The following HIBCH variants were observed in gnomAD, a reference collection of about 807,000 sequenced individuals.
HIBCH encodes 3-hydroxyisobutyryl-CoA hydrolase.
A neutral mutation model predicts 58.2 loss-of-function variants in HIBCH; 50 were observed. The ratio of observed to expected loss-of-function variants is 0.86; its 90% CI spans 0.68 to 1.09. HIBCH has a LOEUF of 1.09. HIBCH is among the 50% of genes least tolerant of loss of function. The probability of loss-of-function intolerance (pLI) is 0.00; values close to 1 mark genes in which losing one functional copy is unlikely to be tolerated. For missense variants in HIBCH, 450 were observed against 449.7 expected (o/e 1.00, Z -0.01); for synonymous variants, 151 against 146.9 (o/e 1.03, Z -0.20).
chr2:190,196,847 T>G (rs534522759), intron 1 of HIBCH, among the ~76,000 whole-genome samples: 1 of 152,336 alleles, frequency 6.6e-6, no homozygotes, highest in East Asian at 1.9e-4. Context: ...ATAGACCCTA[T>G]GTGTCTTAGT....
intron 1 of HIBCH, among the ~76,000 whole-genome samples, chr2:190,198,652 A>C (rs1690092626): frequency 6.6e-6 from 1 of 150,902 alleles, no homozygotes; most frequent in South Asian, 2.1e-4. Flanking sequence ...AAAAAAAAAA[A>C]AAAGGTGTTT....
At chr2:190,296,136 T>A (rs1396488393) in intron 3 of HIBCH, among the ~76,000 whole-genome samples, 1 of 152,146 alleles carries the variant, frequency 6.6e-6, no homozygotes. Context: ...AAAGCAGCTG[T>A]CTGGCCGGGT....
At chr2:190,248,866 A>T (rs76820611) in intron 9 of HIBCH, among the ~76,000 whole-genome samples, 1 of 71,910 alleles carries the variant, frequency 1.4e-5, no homozygotes, top group Non-Finnish European at 2.7e-5. Flanking sequence ...GCTTCAAAAC[A>T]AAAAAAAAAA....
At position 190,314,377 on chromosome 2, in the gene HIBCH, A is replaced by G. The variant is rs200473458; in HGVS notation, c.36-3581T>C. On this transcript the variant is annotated intron_variant, in intron 1 of 13. Transcript: ENST00000359678. ...TATATACGTATATATATACGTATAT[A>G]TGTGTATATATATGTATATATATAC... Among the ~76,000 whole-genome samples, 4 of 87,204 alleles carry G rather than the reference A, an allele frequency of 4.6e-5. No homozygotes were observed. In the East Asian group the frequency reaches 8.7e-4, roughly 19 times the overall value. The allele number at this position is 87,204 out of a possible 152,430, so 57.2% of individuals were successfully genotyped here.
downstream of HIBCH, among the ~76,000 whole-genome samples, chr2:190,199,274 C>CAGTT (rs1033936052): frequency 7.9e-5 from 12 of 152,242 alleles, no homozygotes; most frequent in African/African-American, 2.4e-4. Flanking sequence ...TGGTCTGTCA[C>CAGTT]AGTTATTCAG....
At chr2:190,196,264 C>A (rs1344210470) in intron 1 of HIBCH, among the ~76,000 whole-genome samples, 1 of 152,002 alleles carries the variant, frequency 6.6e-6, no homozygotes, top group East Asian at 1.9e-4. Context: ...CTTTTCCCTC[C>A]ATTTTTCAGA....
At chr2:190,284,917 A>C (rs146300900) in intron 6 of HIBCH, among the ~76,000 whole-genome samples, 143 of 152,068 alleles carry the variant, frequency 9.4e-4, no homozygotes, top group Middle Eastern at 3.4e-3. Context: ...TCTGATCATC[A>C]TTTCTGTTCC....
intron 10 of HIBCH, chr2:190,245,365 T>A (rs1036847210): frequency 5.2e-6 from 1 of 192,710 alleles, no homozygotes; most frequent in African/African-American, 2.4e-5. Context: ...ATCGGCTTGA[T>A]AAGACCTTCA....
intron 2 of HIBCH, among the ~76,000 whole-genome samples, chr2:190,300,487 A>G (rs1216118214): frequency 6.6e-6 from 1 of 150,830 alleles, no homozygotes; most frequent in Non-Finnish European, 1.5e-5. Flanking sequence ...GTGTTTTTTC[A>G]TGTACTTTGC....
chr2:190,284,335 C>G (rs765589011), intron 6 of HIBCH, among the ~76,000 whole-genome samples: 25 of 152,020 alleles, frequency 1.6e-4, no homozygotes, highest in Non-Finnish European at 3.2e-4. Context: ...ATGGCCAGTG[C>G]CTTCAGAAAT....
chr2:190,229,733 C>G (rs1265925792), intron 11 of HIBCH, among the ~76,000 whole-genome samples: 1 of 152,146 alleles, frequency 6.6e-6, no homozygotes, highest in Non-Finnish European at 1.5e-5. Context: ...AAAACATACA[C>G]TACCTGAAAG....
At chr2:190,297,852 A>G (rs1478858810) in intron 2 of HIBCH, among the ~76,000 whole-genome samples, 1 of 152,144 alleles carries the variant, frequency 6.6e-6, no homozygotes, top group Non-Finnish European at 1.5e-5. Flanking sequence ...CCTGTTATCT[A>G]GGTTTTAAAC....
At chr2:190,246,491 T>C (rs545231508) in intron 9 of HIBCH, among the ~76,000 whole-genome samples, 1 of 152,314 alleles carries the variant, frequency 6.6e-6, no homozygotes, top group East Asian at 1.9e-4. Flanking sequence ...ACATTATCAT[T>C]AAAATATATC....
At chr2:190,244,703 G>A (rs373012998) in intron 11 of HIBCH, among the ~76,000 whole-genome samples, 184 bp downstream of exon 11, 3 of 152,130 alleles carry the variant, frequency 2.0e-5, no homozygotes, top group East Asian at 3.9e-4. Flanking sequence ...AGGTAGACAC[G>A]GCACTTGGAT....
At chr2:190,276,597 C>T (rs1687559935) in intron 6 of HIBCH, among the ~76,000 whole-genome samples, 1 of 152,176 alleles carries the variant, frequency 6.6e-6, no homozygotes, top group Admixed American at 6.5e-5. Flanking sequence ...AATGTAGCAC[C>T]TTCTCTCTTT....
chr2:190,190,222 C>T (rs1264371171), intron 1 of HIBCH, among the ~76,000 whole-genome samples: 2 of 152,166 alleles, frequency 1.3e-5, no homozygotes, highest in African/African-American at 2.4e-5. Flanking sequence ...CTCTTCCAAA[C>T]AGTCCTTACT....
intron 6 of HIBCH, among the ~76,000 whole-genome samples, chr2:190,282,986 A>G (rs1687743462): frequency 6.6e-6 from 1 of 152,170 alleles, no homozygotes; most frequent in Admixed American, 6.5e-5. Flanking sequence ...ATGAAAGAAG[A>G]AATCACATCT....
intron 6 of HIBCH, among the ~76,000 whole-genome samples, chr2:190,269,524 T>C (rs1274085496): frequency 1.3e-5 from 2 of 152,164 alleles, no homozygotes; most frequent in Non-Finnish European, 2.9e-5. Flanking sequence ...CACAATGAGA[T>C]ACCATCTCAC....
rs1318460381 is a variant in HIBCH, at chr2:190,236,933, C to T, written c.891+7954G>A. Among the ~76,000 whole-genome samples, 1 of 152,040 alleles carries T rather than the reference C, an allele frequency of 6.6e-6. No individual in the cohort carries two copies. Among genetic ancestry groups the T allele is most frequent in the Non-Finnish European group, 1.5e-5 (1 of 68,002 alleles). ...TGTCTACATAAACTGATGCATTTTC[C>T]CCTTTATCATACTCTTTCCCCAAAG... On this transcript the variant is annotated intron_variant, in intron 11 of 13. Transcript: ENST00000359678. The surrounding 1 kb of genome is among the most constrained non-coding windows in gnomAD (Gnocchi z 4.1).
Sources: gnomAD v4.1 joint callset for allele counts (sites outside exome capture counted in the v4.1 genomes callset) on GRCh38, gnomAD v4.1.1 for gene constraint, Gnocchi (gnomAD v3.1) non-coding constraint, MANE v1.5 for transcripts, NCBI Gene and HGNC (gene_info 2026-07-23, HGNC 2026-07-21) for gene names.